NPAT: variants seen among roughly 807,000 people sequenced by gnomAD.
NPAT encodes the protein nuclear protein, coactivator of histone transcription.
Under a neutral mutation model 130.7 loss-of-function variants are expected in NPAT, and 52 were observed. That is an observed-to-expected ratio of 0.40 (90% CI 0.32 to 0.50). The LOEUF (loss-of-function observed/expected upper bound fraction) is 0.50. NPAT is among the 20% of genes least tolerant of loss of function. The pLI is 0.68. For missense variants in NPAT, 1,687 were observed against 1,662.6 expected (o/e 1.01, Z -0.26); for synonymous variants, 580 against 584.8 (o/e 0.99, Z 0.12).
intron 4 of NPAT, 61 bp downstream of exon 4, chr11:108,192,057 A>G: frequency 3.5e-6 from 4 of 1,131,402 alleles, no homozygotes; most frequent in Non-Finnish European, 5.4e-6. Flanking sequence ...TCTTAAGAAG[A>G]TTTAAACCCA....
At chr11:108,189,411 A>G (rs890309792) in intron 5 of NPAT, 81 bp from the exon 6 acceptor site, 22 of 1,128,226 alleles carry the variant, frequency 1.9e-5, no homozygotes, top group African/African-American at 6.1e-5. Flanking sequence ...GATGCAACCT[A>G]TTATATAACA....
At chr11:108,209,383 G>C (rs1234718241) in intron 1 of NPAT, among the ~76,000 whole-genome samples, 2 of 151,900 alleles carry the variant, frequency 1.3e-5, no homozygotes, top group East Asian at 1.9e-4. Flanking sequence ...AGGCAGGAGA[G>C]TACCATGAGG....
intron 10 of NPAT, among the ~76,000 whole-genome samples, chr11:108,184,266 G>T (rs1244104329): frequency 4.0e-5 from 6 of 151,848 alleles, no homozygotes; most frequent in African/African-American, 1.5e-4. Context: ...GGTCAGGAGA[G>T]GGAGACCATC....
chr11:108,171,983 A>G, intron 13 of NPAT: 1 of 561,778 alleles, frequency 1.8e-6, no homozygotes. Flanking sequence ...AAAAGAAAAA[A>G]GAAAAACCAC....
chr11:108,165,472 A>ATATATATT (rs1555039325), intron 15 of NPAT, among the ~76,000 whole-genome samples: 3 of 129,782 alleles, frequency 2.3e-5, no homozygotes, highest in Admixed American at 7.9e-5. Context: ...ATATATATAT[A>ATATATATT]TTTTTTTTTT....
intron 1 of NPAT, chr11:108,208,382 G>A: frequency 2.3e-6 from 1 of 437,794 alleles, no homozygotes; most frequent in South Asian, 1.6e-5. Flanking sequence ...CTTGAGCCTA[G>A]GGTTCAAGAC....
intron 5 of NPAT, 131 bp from the exon 6 acceptor site, chr11:108,189,461 T>C (rs1650866812): frequency 3.0e-5 from 23 of 760,400 alleles, no homozygotes; most frequent in South Asian, 2.6e-4. Flanking sequence ...TTCCTAAATA[T>C]ATCAACTAAA....
At chr11:108,193,324 T>C (rs1337436629) in intron 3 of NPAT, among the ~76,000 whole-genome samples, 1 of 152,200 alleles carries the variant, frequency 6.6e-6, no homozygotes, top group African/African-American at 2.4e-5. Context: ...TTTATCAGTG[T>C]AGATAACACA....
At chr11:108,159,364 C>A (rs2077824210) in intron 17 of NPAT, among the ~76,000 whole-genome samples, 1 of 152,118 alleles carries the variant, frequency 6.6e-6, no homozygotes, top group South Asian at 2.1e-4. Flanking sequence ...GTTACAGGTA[C>A]TTATCAGTTC....
intron 7 of NPAT, 60 bp from the exon 8 acceptor site, chr11:108,186,629 A>C: frequency 7.6e-7 from 1 of 1,313,134 alleles, no homozygotes; most frequent in Non-Finnish European, 1.1e-6. Context: ...TTAAAGATAA[A>C]TACATATACA....
chr11:108,216,507 G>A (rs1372042602), intron 1 of NPAT, among the ~76,000 whole-genome samples: 2 of 151,260 alleles, frequency 1.3e-5, no homozygotes, highest in Non-Finnish European at 2.9e-5. Flanking sequence ...GGGGAGGAGA[G>A]GAGGGTCAGG....
chr11:108,173,269 G>A lies in NPAT; in HGVS notation c.1715C>T (p.Ser572Phe). 1 of 1,610,988 alleles carries A rather than the reference G, an allele frequency of 6.2e-7. No homozygotes were observed. The highest frequency in any genetic ancestry group is 8.5e-7 in the Non-Finnish European group (1 of 1,177,688). The part of the protein sequence containing the change: ...INFHGSKSSD[S>F]SEVHKSKIEI... ...TATTTTACTCTTGTGAACTTCACTAGAATCTGATGACTTGGAACCATGAAA... is the reference window on the plus strand; with the variant it reads ...TATTTTACTCTTGTGAACTTCACTAAAATCTGATGACTTGGAACCATGAAA... The change falls in exon 13 of 18, where the codon TCT becomes TTT. Residue 572 changes from serine to phenylalanine, a missense_variant. Around this residue, in one of 3 missense-constraint regions of NPAT, gnomAD observed 1,379 missense variants for 1,346.6 expected, o/e 1.02. Transcript: ENST00000278612.
intron 17 of NPAT, among the ~76,000 whole-genome samples, chr11:108,160,132 C>T (rs2077831686): frequency 6.8e-6 from 1 of 147,056 alleles, no homozygotes; most frequent in Admixed American, 6.9e-5. Context: ...TGGGTAACAG[C>T]GCAAGACTCT....
chr11:108,197,781 A>G (rs1443489599), intron 1 of NPAT, among the ~76,000 whole-genome samples: 3 of 152,218 alleles, frequency 2.0e-5, no homozygotes. Flanking sequence ...AAATTCACTT[A>G]CTGCGTTATC....
chr11:108,199,866 C>T (rs985751799), intron 1 of NPAT, among the ~76,000 whole-genome samples: 4 of 152,280 alleles, frequency 2.6e-5, no homozygotes, highest in African/African-American at 9.6e-5. Flanking sequence ...TCAGTCAAGA[C>T]CTCCAGTCTT....
At position 108,161,633 on chromosome 11, in the gene NPAT, T is replaced by C. The variant is rs201960944; in HGVS notation, c.3453A>G (p.Ser1151=). Reference sequence around the variant, plus strand: ...AAGATTCAAGCACAATTTCTGTTGGTGAAACTTTCTTTTCTGATTGAGTTT... The same window carrying C: ...AAGATTCAAGCACAATTTCTGTTGGCGAAACTTTCTTTTCTGATTGAGTTT... ...IRETQSEKKV[S]PTEIVLESFH... Residue 1151 remains serine (S), a synonymous_variant, in exon 17 of 18, where the codon TCA becomes TCG. Coordinates refer to ENST00000278612, the MANE Select transcript of NPAT (RefSeq NM_002519.3). The C allele has an allele frequency of 1.0e-3, 1,615 of 1,614,140 alleles. No homozygotes were observed. Among genetic ancestry groups the C allele is most frequent in the Non-Finnish European group, 1.3e-3 (1,559 of 1,180,040 alleles).
rs936432089 is a variant in NPAT at position 108,158,060 on chromosome 11, T to C, written c.*882A>G. 13 of 152,532 alleles carry C rather than the reference T, an allele frequency of 8.5e-5. No homozygotes were observed. Among genetic ancestry groups the C allele is most frequent in the Admixed American group, 7.9e-4 (12 of 15,276 alleles). The allele number at this position is 152,532 out of a possible 1,614,324, so 9.4% of individuals were successfully genotyped here. A position where few individuals can be genotyped will look rare whatever the true frequency, so the allele number is the denominator to read the frequency against. On this transcript the variant is annotated 3_prime_UTR_variant, in exon 18 of 18. Coordinates refer to ENST00000278612, the MANE Select transcript of NPAT (RefSeq NM_002519.3). ...ATAATCCTCCACATAAACTCTCACA[T>C]AGAACACAAGATTTAAATTATATGT...
chr11:108,175,304 C>G (rs768676327), intron 12 of NPAT, among the ~76,000 whole-genome samples: 1 of 152,122 alleles, frequency 6.6e-6, no homozygotes, highest in Non-Finnish European at 1.5e-5. Context: ...GCTTTGGTAC[C>G]ACCCAATTTC....
intron 1 of NPAT, among the ~76,000 whole-genome samples, chr11:108,222,277 G>C (rs1426319062): frequency 2.6e-5 from 4 of 152,072 alleles, no homozygotes; most frequent in African/African-American, 9.7e-5. Flanking sequence ...TTCCCCTCGG[G>C]CTTCCCCTCG....
Sources: gnomAD v4.1 joint callset for allele counts (sites outside exome capture counted in the v4.1 genomes callset) on GRCh38, gnomAD v4.1.1 for gene constraint, gnomAD v4.1.1 regional missense constraint, MANE v1.5 for transcripts, NCBI Gene and HGNC (gene_info 2026-07-23, HGNC 2026-07-21) for gene names.